DENND1A: variants seen among roughly 807,000 people sequenced by gnomAD.
DENND1A encodes DENN domain containing 1A.
A neutral mutation model predicts 113.7 loss-of-function variants in DENND1A; 51 were observed. The ratio of observed to expected loss-of-function variants is 0.45; its 90% CI spans 0.36 to 0.57. DENND1A has a LOEUF of 0.57. Among genes scored for constraint, DENND1A ranks in the 20% least tolerant of loss-of-function variants. The pLI, the probability that DENND1A is intolerant of heterozygous loss-of-function variation, is 0.00. For missense variants in DENND1A, 1,258 were observed against 1,395.9 expected, an observed-to-expected ratio of 0.90 and a Z score of 1.57; for synonymous variants, 565 against 570.8, an observed-to-expected ratio of 0.99 and a Z score of 0.14.
chr9:123,644,776 T>C (rs188143667), intron 9 of DENND1A, among the ~76,000 whole-genome samples: 110 of 152,336 alleles, frequency 7.2e-4, no homozygotes, highest in African/African-American at 2.4e-3. Flanking sequence ...ACCTCTCCTA[T>C]TGACTAGGAC....
chr9:123,919,802 A>G (rs1234235570), intron 1 of DENND1A, among the ~76,000 whole-genome samples: 2 of 151,580 alleles, frequency 1.3e-5, no homozygotes, highest in East Asian at 3.9e-4. Flanking sequence ...GAATCACTTG[A>G]ACCTGGGAGG....
chr9:123,586,867 G>A (rs770815746), intron 11 of DENND1A, among the ~76,000 whole-genome samples: 44 of 152,098 alleles, frequency 2.9e-4, no homozygotes, highest in Non-Finnish European at 4.4e-4. Context: ...CTCTGCATGG[G>A]AACCAAGTGG....
intron 18 of DENND1A, among the ~76,000 whole-genome samples, chr9:123,447,705 T>C (rs1428181139): frequency 6.6e-6 from 1 of 152,006 alleles, no homozygotes; most frequent in Non-Finnish European, 1.5e-5. Context: ...GAAACCAAAC[T>C]TGAGATGTCT....
chr9:123,928,648 G>T (rs1231507212), intron 1 of DENND1A: 2 of 985,382 alleles, frequency 2.0e-6, no homozygotes, highest in Non-Finnish European at 2.4e-6. Context: ...CTGCTGCAGC[G>T]CATCTCATAC....
intron 13 of DENND1A, among the ~76,000 whole-genome samples, chr9:123,486,463 A>G (rs1339936782): frequency 6.6e-6 from 1 of 151,918 alleles, no homozygotes; most frequent in East Asian, 1.9e-4. Context: ...CCTCAGCTTG[A>G]TACACACCGA....
chr9:123,689,435 G>A (rs2065026731), intron 5 of DENND1A, among the ~76,000 whole-genome samples: 3 of 152,092 alleles, frequency 2.0e-5, no homozygotes, highest in Non-Finnish European at 1.5e-5. Context: ...AAAAATGTAC[G>A]CATGAATCAT....
chr9:123,812,379 T>C (rs575112028), intron 2 of DENND1A, among the ~76,000 whole-genome samples: 3 of 152,290 alleles, frequency 2.0e-5, no homozygotes, highest in African/African-American at 4.8e-5. Flanking sequence ...AGTCACAATT[T>C]ATCCATTTTT....
chr9:123,393,966 C>A (rs912016455), intron 21 of DENND1A, among the ~76,000 whole-genome samples: 4 of 149,200 alleles, frequency 2.7e-5, no homozygotes, highest in Non-Finnish European at 4.4e-5. Flanking sequence ...TTGGACAAGG[C>A]TCCATTTGGG....
intron 2 of DENND1A, among the ~76,000 whole-genome samples, chr9:123,877,421 G>A (rs763225951): frequency 3.9e-5 from 6 of 152,034 alleles, no homozygotes; most frequent in Non-Finnish European, 4.4e-5. Context: ...TCCAGGAGGC[G>A]GAGGTTGCAG....
At chr9:123,517,282 AC>A (rs1015669845) in intron 13 of DENND1A, among the ~76,000 whole-genome samples, 13 of 145,990 alleles carry the variant, frequency 8.9e-5, no homozygotes, top group African/African-American at 2.8e-4. Flanking sequence ...AACCCACAAA[AC>A]CCCCCCCAAA....
chr9:123,809,625 A>C (rs1269031109), intron 2 of DENND1A, among the ~76,000 whole-genome samples: 1 of 152,208 alleles, frequency 6.6e-6, no homozygotes, highest in African/African-American at 2.4e-5. Context: ...AACAATTATT[A>C]AAGATTTTTC....
intron 4 of DENND1A, among the ~76,000 whole-genome samples, chr9:123,765,424 G>T (rs1828629769): frequency 6.6e-6 from 1 of 152,152 alleles, no homozygotes; most frequent in African/African-American, 2.4e-5. Context: ...GCACAAAACA[G>T]ATGCCCAATA....
intron 1 of DENND1A, among the ~76,000 whole-genome samples, chr9:123,890,455 A>G (rs895595607): frequency 1.6e-4 from 25 of 152,188 alleles, no homozygotes; most frequent in African/African-American, 6.0e-4. Flanking sequence ...ACTTGCTTTT[A>G]TGTTCTTTCT....
intron 19 of DENND1A, among the ~76,000 whole-genome samples, chr9:123,431,756 T>C (rs927111256): frequency 2.0e-5 from 3 of 152,132 alleles, no homozygotes; most frequent in Non-Finnish European, 4.4e-5. Context: ...CAGGTCTCAG[T>C]GTGGAGCTTG....
intron 5 of DENND1A, among the ~76,000 whole-genome samples, chr9:123,679,280 T>C (rs2064288941): frequency 6.6e-6 from 1 of 152,176 alleles, no homozygotes; most frequent in South Asian, 2.1e-4. Flanking sequence ...AACTGACCAA[T>C]GTGGCTTGGG....
intron 5 of DENND1A, among the ~76,000 whole-genome samples, chr9:123,728,988 T>C (rs2067958374): frequency 6.6e-6 from 1 of 152,060 alleles, no homozygotes; most frequent in Non-Finnish European, 1.5e-5. Flanking sequence ...ACGTAATCCA[T>C]CACATAAACA....
chr9:123,530,507 G>GA (rs2055208902), intron 13 of DENND1A, among the ~76,000 whole-genome samples: 1 of 152,152 alleles, frequency 6.6e-6, no homozygotes, highest in Non-Finnish European at 1.5e-5. Flanking sequence ...GACTCTCACT[G>GA]AAAGAAATAT....
At chr9:123,481,452 A>C (rs2050330210) in intron 13 of DENND1A, among the ~76,000 whole-genome samples, 1 of 152,248 alleles carries the variant, frequency 6.6e-6, no homozygotes, top group Admixed American at 6.5e-5. Context: ...CTCCTGTGCC[A>C]GGTGCTGCCG....
chr9:123,517,517 G>T (rs2054040544), intron 13 of DENND1A, among the ~76,000 whole-genome samples: 1 of 151,738 alleles, frequency 6.6e-6, no homozygotes, highest in Non-Finnish European at 1.5e-5. Flanking sequence ...TATTTGGGAG[G>T]CTGAGACAGG....
Sources: allele counts gnomAD v4.1 joint callset (sites outside exome capture counted in the v4.1 genomes callset), GRCh38; gene constraint gnomAD v4.1.1; transcripts MANE v1.5; gene names NCBI Gene and HGNC (gene_info 2026-07-23, HGNC 2026-07-21).